Variants in OR10H1 observed in about 807,000 individuals in gnomAD.
OR10H1 encodes the protein olfactory receptor 10H1.
In OR10H1, 12 loss-of-function variants were observed where a neutral mutation model predicts 13.1. The ratio of observed to expected loss-of-function variants is 0.92; its 90% CI spans 0.59 to 1.48. The LOEUF (loss-of-function observed/expected upper bound fraction) is 1.48, where lower values mean the gene tolerates loss of function less well. OR10H1 is among the 40% of genes most tolerant of loss of function. The probability of loss-of-function intolerance (pLI) is 0.00; values close to 1 mark genes in which losing one functional copy is unlikely to be tolerated. For missense variants in OR10H1, 363 were observed against 413.1 expected (o/e 0.88, Z 1.05); for synonymous variants, 168 against 175.6 (o/e 0.96, Z 0.34).
Position 15,807,477 on chromosome 19 carries a change from CAACTT to C in OR10H1, c.556_560del (p.Lys186GlyfsTer46), listed in dbSNP as rs763309539. ...CCACCAGCACATCGTCTCCACAGGCCAACTTCAACAGAGGTGGCACATGGCAAGCA... is the reference window on the plus strand; with the variant it reads ...CCACCAGCACATCGTCTCCACAGGCCCAACAGAGGTGGCACATGGCAAGCA... On this transcript the variant is annotated frameshift_variant, in exon 4 of 4. Coordinates refer to ENST00000641419, the MANE Select transcript of OR10H1 (RefSeq NM_013940.4). LOFTEE classifies it high-confidence loss of function. 3 of 1,614,198 alleles carry C rather than the reference CAACTT, an allele frequency of 1.9e-6. No individual in the cohort carries two copies. The East Asian group carries it at 6.7e-5, about 36-fold the overall frequency.
chr19:15,814,480 TGAGA>T (rs58307648), intron 1 of OR10H1, among the ~76,000 whole-genome samples: 769 of 67,580 alleles, frequency 0.011, 6 homozygotes, highest in Non-Finnish European at 0.019. Context: ...TGTGTGTGTG[TGAGA>T]GAGAGAGAGA....
At position 15,806,467 on chromosome 19, in the gene OR10H1, A is replaced by C. The variant is rs987335372; in HGVS notation, c.*614T>G. ...GTCATCCATGCTAGACTGCAGTGGC[A>C]CAGTCATAGTTCACTGTAAGCTCAA... On this transcript the variant is annotated 3_prime_UTR_variant, in exon 4 of 4. Transcript: ENST00000641419. The C allele has an allele frequency of 1.3e-5, 2 of 153,210 alleles. No homozygotes were observed. Among genetic ancestry groups the C allele is most frequent in the Non-Finnish European group, 2.9e-5 (2 of 68,876 alleles). 9.5% of individuals were successfully genotyped at this position (153,210 alleles called of 1,614,324 possible).
chr19:15,804,716 A>T lies in OR10H1; in HGVS notation c.*2365T>A, dbSNP rs1033469888. The T allele has an allele frequency of 9.9e-5, 15 of 152,228 alleles. No individual in the cohort carries two copies. The highest frequency in any genetic ancestry group is 1.5e-4 in the Non-Finnish European group (10 of 68,042). The allele number at this position is 152,228 out of a possible 1,614,324, so 9.4% of individuals were successfully genotyped here. A position where few individuals can be genotyped will look rare whatever the true frequency, so the allele number is the denominator to read the frequency against. ...ATGTGTCTTTATAGCAGCATGATTT[A>T]TAATCCTTTGGGTATATACCCAGTA... On this transcript the variant is annotated 3_prime_UTR_variant, in exon 4 of 4. Coordinates refer to ENST00000641419, the MANE Select transcript of OR10H1 (RefSeq NM_013940.4).
chr19:15,808,234 T>C, intron 3 of OR10H1, 186 bp from the exon 4 acceptor site: 2 of 592,650 alleles, frequency 3.4e-6, no homozygotes, highest in South Asian at 4.4e-5. Context: ...TTCAACCCCC[T>C]TTTGAAGTAC....
intron 1 of OR10H1, among the ~76,000 whole-genome samples, chr19:15,815,230 A>G (rs2088959708): frequency 6.6e-6 from 1 of 151,870 alleles, no homozygotes; most frequent in African/African-American, 2.4e-5. Flanking sequence ...AGTCCCAGCT[A>G]CTCAGGAGGC....
rs939055536 is a variant in OR10H1, at chr19:15,807,268, G to A, written c.770C>T (p.Ser257Phe). The A allele has an allele frequency of 6.2e-7, 1 of 1,614,158 alleles. No homozygotes were observed. The highest frequency in any genetic ancestry group is 8.5e-7 in the Non-Finnish European group (1 of 1,180,034). The change falls in exon 4 of 4, where the codon TCC becomes TTC. Residue 257 changes from serine (S) to phenylalanine (F), a missense_variant. Ser to Phe is a radical substitution (Grantham distance 155, BLOSUM62 -2). Transcript: ENST00000641419. ...TVVVVHYGFA[S>F]VIYLKPKSPQ... Reference sequence around the variant, plus strand: ...ACTTTTGGGCTTCAGGTAAATGACGGAGGCAAAGCCATAGTGCACGACCAC... The same window carrying A: ...ACTTTTGGGCTTCAGGTAAATGACGAAGGCAAAGCCATAGTGCACGACCAC...
chr19:15,813,757 G>T (rs981456860), intron 1 of OR10H1, among the ~76,000 whole-genome samples: 4 of 149,072 alleles, frequency 2.7e-5, no homozygotes, highest in African/African-American at 9.9e-5. Flanking sequence ...CACAGAGAGT[G>T]TGGGAGGTGG....
intron 1 of OR10H1, among the ~76,000 whole-genome samples, chr19:15,813,349 G>A (rs2088945100): frequency 6.6e-6 from 1 of 152,134 alleles, no homozygotes; most frequent in South Asian, 2.1e-4. Context: ...GCAGCGAGGA[G>A]GATTTAGAGC....
intron 3 of OR10H1, among the ~76,000 whole-genome samples, chr19:15,808,386 C>T (rs1016032670): frequency 8.5e-5 from 13 of 152,110 alleles, no homozygotes; most frequent in African/African-American, 2.9e-4. Context: ...TTGCCCCCTG[C>T]CCCCAAACGA....
chr19:15,807,053 C>G lies in OR10H1; in HGVS notation c.*28G>C. Reference sequence around the variant, plus strand: ...TTTTTAACAATAGCCTTCGGTAATCCAATTTAGTTGTTCCCAGTGAATTTC... The same window carrying G: ...TTTTTAACAATAGCCTTCGGTAATCGAATTTAGTTGTTCCCAGTGAATTTC... On this transcript the variant is annotated 3_prime_UTR_variant, in exon 4 of 4. Coordinates refer to ENST00000641419, the MANE Select transcript of OR10H1 (RefSeq NM_013940.4). 6.3e-7 allele frequency: 1 copy of G among 1,583,420 alleles called. No individual in the cohort carries two copies. The highest frequency in any genetic ancestry group is 1.4e-5 in the African/African-American group (1 of 73,962).
intron 2 of OR10H1, among the ~76,000 whole-genome samples, chr19:15,811,756 T>A (rs572000078): frequency 1.3e-5 from 2 of 152,310 alleles, no homozygotes; most frequent in South Asian, 4.1e-4. Context: ...TTCAAAATAA[T>A]GATTCCCAGT....
intron 1 of OR10H1, among the ~76,000 whole-genome samples, chr19:15,814,486 AGAGAGAGAGAGAGAGAGAGAGAGAGAG>A (rs1313062155): frequency 1.2e-3 from 47 of 37,878 alleles, no homozygotes; most frequent in African/African-American, 4.7e-3. Flanking sequence ...TGTGTGAGAG[AGAGAGAGAGAGAGAGAGAGAGAGAGAG>A]AGAGAGAGAG....
rs73511007 is a variant in OR10H1, at chr19:15,809,749, C to T, written c.-128-908G>A. ...CAGTAAATGAGTGACTGTACATGGT[C>T]TTTGCTCAGTAACTTTAATTTCATG... On this transcript the variant is annotated intron_variant, in intron 2 of 3. Transcript: ENST00000641419. 8.1e-3 allele frequency among the ~76,000 whole-genome samples: 1,238 copies of T among 152,172 alleles called. 18 individuals carry two copies. The highest frequency in any genetic ancestry group is 0.028 in the African/African-American group (1,180 of 41,510).
rs2088893471 is a variant in OR10H1, at chr19:15,805,917, G to A, written c.*1164C>T. Reference sequence around the variant, plus strand: ...TCTCAGTCTCTCCACAACTATTCAAGACTCACACTTGAAATTCTAAGGTTT... The same window carrying A: ...TCTCAGTCTCTCCACAACTATTCAAAACTCACACTTGAAATTCTAAGGTTT... On this transcript the variant is annotated 3_prime_UTR_variant, in exon 4 of 4. Coordinates refer to ENST00000641419, the MANE Select transcript of OR10H1 (RefSeq NM_013940.4). The A allele has an allele frequency of 6.6e-6, 1 of 152,190 alleles. No homozygotes were observed. Among genetic ancestry groups the A allele is most frequent in the Non-Finnish European group, 1.5e-5 (1 of 68,044 alleles). 9.4% of individuals were successfully genotyped at this position (152,190 alleles called of 1,614,324 possible).
At chr19:15,811,374 G>A (rs1257243096) in intron 2 of OR10H1, among the ~76,000 whole-genome samples, 4 of 152,158 alleles carry the variant, frequency 2.6e-5, no homozygotes, top group Non-Finnish European at 5.9e-5. Flanking sequence ...CCTTGGGACT[G>A]TTGATATTTA....
chr19:15,814,995 T>C (rs1395610233), intron 1 of OR10H1, among the ~76,000 whole-genome samples: 2 of 152,240 alleles, frequency 1.3e-5, no homozygotes, highest in South Asian at 2.1e-4. Context: ...TCTGCACCTG[T>C]TACCTCCCCC....
At position 15,804,739 on chromosome 19, in the gene OR10H1, G is replaced by A. The variant is rs957495041; in HGVS notation, c.*2342C>T. 2.6e-5 allele frequency: 4 copies of A among 152,208 alleles called. No homozygotes were observed. Among genetic ancestry groups the A allele is most frequent in the African/African-American group, 9.7e-5 (4 of 41,442 alleles). The allele number at this position is 152,208 out of a possible 1,614,324, so 9.4% of individuals were successfully genotyped here. On this transcript the variant is annotated 3_prime_UTR_variant, in exon 4 of 4. Coordinates refer to ENST00000641419, the MANE Select transcript of OR10H1 (RefSeq NM_013940.4). ...TTATAATCCTTTGGGTATATACCCA[G>A]TAATGGGATGGCTGGGTCAAATGAT...
At position 15,807,495 on chromosome 19, in the gene OR10H1, C is replaced by T; in HGVS notation, c.543G>A (p.Val181=). 6.2e-7 allele frequency: 1 copy of T among 1,614,218 alleles called. No homozygotes were observed. Among genetic ancestry groups the T allele is most frequent in the South Asian group, 1.1e-5 (1 of 91,082 alleles). Residue 181 remains valine (V), a synonymous_variant, in exon 4 of 4, where the codon GTG becomes GTA. Transcript: ENST00000641419. ...CACAGGCCAACTTCAACAGAGGTGG[C>T]ACATGGCAAGCAAAATGGTGGATCT... is the stretch of plus-strand genomic sequence containing the variant. ...HKEIHHFACH[V]PPLLKLACGD... is the part of the protein sequence containing the mutation.
At chr19:15,815,393 CACTG>C (rs957172734) in intron 1 of OR10H1, among the ~76,000 whole-genome samples, 158 bp downstream of exon 1, 2 of 151,570 alleles carry the variant, frequency 1.3e-5, no homozygotes, top group African/African-American at 4.9e-5. Context: ...GCAAACAGCA[CACTG>C]ACTAAGACGT....
Sources: gnomAD v4.1 joint callset for allele counts (sites outside exome capture counted in the v4.1 genomes callset) on GRCh38, gnomAD v4.1.1 for gene constraint, MANE v1.5 for transcripts, NCBI Gene and HGNC (gene_info 2026-07-23, HGNC 2026-07-21) for gene names.